The following SYNE2 variants were observed in gnomAD, a reference collection of about 807,000 sequenced individuals.
SYNE2 encodes the protein spectrin repeat containing nuclear envelope protein 2, also known as nesprin-2.
A neutral mutation model predicts 856.3 loss-of-function variants in SYNE2; 431 were observed. That is an observed-to-expected ratio of 0.50 (90% CI 0.47 to 0.55). SYNE2 has a LOEUF of 0.55. Ranked by LOEUF, SYNE2 falls within the 20% of genes least tolerant of loss-of-function variation. The pLI is 0.00. For missense variants in SYNE2, 8,129 were observed against 8,023.2 expected, an observed-to-expected ratio of 1.01 and a Z score of -0.50; for synonymous variants, 2,923 against 2,872.3, an observed-to-expected ratio of 1.02 and a Z score of -0.56.
rs1456256789 is a variant in SYNE2, at chr14:64,003,252, T to G, written c.4319T>G (p.Leu1440Arg). The G allele has an allele frequency of 6.2e-7, 1 of 1,613,898 alleles. No individual in the cohort carries two copies. Among genetic ancestry groups the G allele is most frequent in the Non-Finnish European group, 8.5e-7 (1 of 1,179,948 alleles). ...EACIFKNNELLKNIQDVQSQI... is the reference protein window; with the variant it reads ...EACIFKNNELRKNIQDVQSQI... ...TGTATTTTCAAAAATAATGAACTCC[T>G]TAAAAATATTCAAGATGTGCAGAGT... The change falls in exon 30 of 116, where the codon CTT becomes CGT. Residue 1440 changes from leucine (L) to arginine (R), a missense_variant. Transcript: ENST00000555002.
chr14:63,911,595 C>G lies in SYNE2; in HGVS notation c.79+2368C>G, dbSNP rs111518447. 6.1e-3 allele frequency among the ~76,000 whole-genome samples: 923 copies of G among 152,232 alleles called. 9 individuals carry two copies. The highest frequency in any genetic ancestry group is 9.8e-3 in the Non-Finnish European group (668 of 68,006). On this transcript the variant is annotated intron_variant, in intron 2 of 115. Transcript: ENST00000555002. The stretch of plus-strand genomic sequence containing the variant: ...AGAATGAATTACTTGCCCAGAGTCC[C>G]GCAGCTAGTGAGCAGTGGAGCTGTG...
At chr14:63,862,226 AAAC>A (rs748425849) in intron 1 of SYNE2, among the ~76,000 whole-genome samples, 10 of 152,378 alleles carry the variant, frequency 6.6e-5, no homozygotes, top group Admixed American at 2.0e-4. Context: ...GGATAAAACA[AAAC>A]AACAGTTGGA....
intron 11 of SYNE2, among the ~76,000 whole-genome samples, chr14:63,976,033 G>A (rs998679212): frequency 6.6e-6 from 1 of 152,164 alleles, no homozygotes; most frequent in Non-Finnish European, 1.5e-5. Context: ...AGGGAGTGGT[G>A]GGAGGCTGAA....
At chr14:64,018,930 G>A (rs986677682) in intron 34 of SYNE2, among the ~76,000 whole-genome samples, 1 of 152,172 alleles carries the variant, frequency 6.6e-6, no homozygotes, top group African/African-American at 2.4e-5. Context: ...ACTCTAGGAA[G>A]AATTCTTCCT....
chr14:64,010,983 G>A (rs1011426512), intron 32 of SYNE2, among the ~76,000 whole-genome samples: 15 of 152,176 alleles, frequency 9.9e-5, no homozygotes, highest in African/African-American at 3.4e-4. Context: ...TGCTGTCAGG[G>A]TGTTAAAAGT....
chr14:63,857,818 T>C (rs192459541), intron 1 of SYNE2, among the ~76,000 whole-genome samples: 39 of 152,340 alleles, frequency 2.6e-4, no homozygotes, highest in African/African-American at 8.2e-4. Context: ...TTCCTTCTTA[T>C]TGAGTTTTGA....
chr14:64,098,605 C>G (rs1161435288), intron 62 of SYNE2, 142 bp from the exon 63 acceptor site: 4 of 817,686 alleles, frequency 4.9e-6, no homozygotes, highest in Non-Finnish European at 8.3e-6. Flanking sequence ...GCTGAACGGA[C>G]CAGGAGACAG....
chr14:63,799,502 G>T (rs1888048137), intron 1 of SYNE2, among the ~76,000 whole-genome samples: 1 of 151,516 alleles, frequency 6.6e-6, no homozygotes, highest in Admixed American at 6.6e-5. Flanking sequence ...ACCATCCTGG[G>T]CAACACAGTG....
intron 49 of SYNE2, among the ~76,000 whole-genome samples, chr14:64,061,904 T>TGGTC (rs1031110297): frequency 1.3e-5 from 2 of 152,220 alleles, no homozygotes; most frequent in Non-Finnish European, 2.9e-5. Flanking sequence ...GGCAAAAAAC[T>TGGTC]GGTCCTACAA....
intron 64 of SYNE2, among the ~76,000 whole-genome samples, chr14:64,102,449 A>G (rs1432070850): frequency 2.0e-5 from 3 of 151,996 alleles, no homozygotes; most frequent in Non-Finnish European, 4.4e-5. Flanking sequence ...AAGGATAGTA[A>G]AGAACTATTT....
intron 1 of SYNE2, among the ~76,000 whole-genome samples, chr14:63,835,593 G>A (rs896172449): frequency 1.4e-5 from 2 of 144,302 alleles, no homozygotes; most frequent in Admixed American, 7.1e-5. Flanking sequence ...GTGTGTGTGT[G>A]TATTTCCAGC....
At chr14:64,004,518 C>T (rs1316651686) in intron 30 of SYNE2, among the ~76,000 whole-genome samples, 2 of 152,006 alleles carry the variant, frequency 1.3e-5, no homozygotes, top group African/African-American at 4.8e-5. Flanking sequence ...CTAGTAGAGA[C>T]GGGGTTTCAC....
chr14:64,193,811 T>G (rs900288131), intron 99 of SYNE2, among the ~76,000 whole-genome samples: 6 of 152,236 alleles, frequency 3.9e-5, no homozygotes, highest in Admixed American at 2.6e-4. Flanking sequence ...ATTTTTTAAG[T>G]GCCAGGCTCC....
Position 63,959,284 on chromosome 14 carries a change from CTTCTT to C in SYNE2, c.788-2238_788-2234del, listed in dbSNP as rs1595884186. Among the ~76,000 whole-genome samples the C allele has an allele frequency of 1.8e-4, 20 of 113,178 alleles. No individual in the cohort carries two copies. In the East Asian group the frequency reaches 5.1e-3, roughly 29 times the overall value. The allele number at this position is 113,178 out of a possible 152,430, so 74.2% of individuals were successfully genotyped here. Reference sequence around the variant, plus strand: ...CAGCCATATTCTTTTTTCTTTTCTTCTTCTTTTTTTTTTTTTTTTTTTTTTTTTTG... The same window carrying C: ...CAGCCATATTCTTTTTTCTTTTCTTCTTTTTTTTTTTTTTTTTTTTTTTTG... On this transcript the variant is annotated intron_variant, in intron 8 of 115. Transcript: ENST00000555002.
At chr14:63,913,222 A>T (rs925426154) in intron 2 of SYNE2, among the ~76,000 whole-genome samples, 2 of 152,136 alleles carry the variant, frequency 1.3e-5, no homozygotes, top group Non-Finnish European at 2.9e-5. Flanking sequence ...GGCGTAAGCC[A>T]CCATACCTGG....
rs2095242866 is a variant in SYNE2 at position 63,895,793 on chromosome 14, A to AAAAAC, written c.-51-13303_-51-13302insAACAA. Among the ~76,000 whole-genome samples, 3 of 151,082 alleles carry AAAAAC rather than the reference A, an allele frequency of 2.0e-5. No homozygotes were observed. In the South Asian group the frequency reaches 6.3e-4, roughly 32 times the overall value. On this transcript the variant is annotated intron_variant, in intron 1 of 115. Transcript: ENST00000555002. ...AAATCTCCAAAAAAAAAAAAAAAAA[A>AAAAAC]AACCTAGAAAAAATTTACATTTTTG...
At chr14:64,215,427 C>T in intron 107 of SYNE2, 73 bp downstream of exon 107, 2 of 1,445,080 alleles carry the variant, frequency 1.4e-6, no homozygotes, top group Admixed American at 1.7e-5. Flanking sequence ...ACCTCGCTCC[C>T]ATGTCGTGTC....
At position 64,142,227 on chromosome 14, in the gene SYNE2, T is replaced by A. The variant is rs996818674; in HGVS notation, c.15306+139T>A. 6.0e-6 allele frequency: 6 copies of A among 998,742 alleles called. No homozygotes were observed. In the African/African-American group the frequency reaches 6.4e-5, roughly 11 times the overall value. The allele number at this position is 998,742 out of a possible 1,614,324, so 61.9% of individuals were successfully genotyped here. A position where few individuals can be genotyped will look rare whatever the true frequency, so the allele number is the denominator to read the frequency against. On this transcript the variant is annotated intron_variant, in intron 82 of 115. Coordinates refer to ENST00000555002, the MANE Select transcript of SYNE2 (RefSeq NM_182914.3). The stretch of plus-strand genomic sequence containing the variant: ...GTAGGAAACTGGGGTGGTGGATGAT[T>A]CTGGAGAGATGTTAGTAGACTTGCT...
chr14:64,142,116 T>C (rs2098143263), intron 82 of SYNE2, 28 bp downstream of exon 82: 1 of 1,613,632 alleles, frequency 6.2e-7, no homozygotes, highest in Non-Finnish European at 8.5e-7. Flanking sequence ...GCAGAAGTCT[T>C]TTCATTGAAA....
Sources: gnomAD v4.1 joint callset for allele counts (sites outside exome capture counted in the v4.1 genomes callset) on GRCh38, gnomAD v4.1.1 for gene constraint, MANE v1.5 for transcripts, NCBI Gene and HGNC (gene_info 2026-07-23, HGNC 2026-07-21) for gene names.